Variants in FAT4 observed in about 807,000 individuals in gnomAD.
FAT4 encodes the protein FAT atypical cadherin 4, also known as protocadherin Fat 4.
FAT4 carries 84 observed loss-of-function variants against 303.9 expected under a neutral mutation model. That is an observed-to-expected ratio of 0.28 (90% confidence interval 0.23 to 0.33). The LOEUF (loss-of-function observed/expected upper bound fraction) is 0.33, where lower values mean the gene tolerates loss of function less well. FAT4 is among the 10% of genes least tolerant of loss of function. The pLI, the probability that FAT4 is intolerant of heterozygous loss-of-function variation, is 1.00. For missense variants in FAT4, 6,005 were observed against 6,146.8 expected (o/e 0.98, Z 0.77); for synonymous variants, 2,307 against 2,298.8 (o/e 1.00, Z -0.10).
chr4:125,457,217 T>C (rs1249314512), intron 10 of FAT4, among the ~76,000 whole-genome samples: 1 of 152,034 alleles, frequency 6.6e-6, no homozygotes, highest in African/African-American at 2.4e-5. Flanking sequence ...AAGTGGCTTA[T>C]GAGTTGATGC....
chr4:125,441,382 G>C (rs1445840963), intron 8 of FAT4, among the ~76,000 whole-genome samples: 1 of 152,104 alleles, frequency 6.6e-6, no homozygotes, highest in Non-Finnish European at 1.5e-5. Context: ...CTAAGGCAAA[G>C]AGCTATGCAA....
chr4:125,326,851 C>A (rs1182995204), intron 2 of FAT4, among the ~76,000 whole-genome samples: 2 of 152,024 alleles, frequency 1.3e-5, no homozygotes, highest in African/African-American at 2.4e-5. Context: ...ATGGTAAAAC[C>A]CCATCTCTAC....
chr4:125,372,021 GAAATGGATGACAGTAAAT>G (rs1560784025), intron 2 of FAT4, among the ~76,000 whole-genome samples: 1 of 151,914 alleles, frequency 6.6e-6, no homozygotes, highest in Admixed American at 6.6e-5. Context: ...AAAGAAGAAC[GAAATGGATGACAGTAAAT>G]AAGTCTTTTA....
intron 2 of FAT4, among the ~76,000 whole-genome samples, chr4:125,326,842 T>C (rs1451391208): frequency 6.6e-6 from 1 of 152,112 alleles, no homozygotes; most frequent in African/African-American, 2.4e-5. Context: ...CTGGGCAACA[T>C]GGTAAAACCC....
At chr4:125,442,475 A>T (rs1162237167) in intron 8 of FAT4, among the ~76,000 whole-genome samples, 1 of 152,144 alleles carries the variant, frequency 6.6e-6, no homozygotes, top group East Asian at 1.9e-4. Context: ...CCAAAATCTA[A>T]AATGCACCAA....
chr4:125,387,169 G>T (rs1408198384), intron 2 of FAT4, among the ~76,000 whole-genome samples: 1 of 152,146 alleles, frequency 6.6e-6, no homozygotes, highest in Non-Finnish European at 1.5e-5. Context: ...CTGTGCCCAG[G>T]GGTTGGAGAC....
At chr4:125,379,559 A>G (rs904695084) in intron 2 of FAT4, among the ~76,000 whole-genome samples, 2 of 151,926 alleles carry the variant, frequency 1.3e-5, no homozygotes, top group African/African-American at 2.4e-5. Context: ...TCCTGGCTTC[A>G]AGCAATTCTT....
Position 125,320,060 on chromosome 4 carries a change from G to T in FAT4, c.3649G>T (p.Ala1217Ser). ...APKFLKDFYQ[A>S]TISESAANLT... ...CAAATTTTTAAAAGACTTTTACCAAGCTACAATATCAGAATCAGCAGCCAA... is the reference window on the plus strand; with the variant it reads ...CAAATTTTTAAAAGACTTTTACCAATCTACAATATCAGAATCAGCAGCCAA... The change falls in exon 2 of 18, where the codon GCT (alanine) becomes TCT (serine). Residue 1217 changes from alanine to serine, a missense_variant. Coordinates refer to ENST00000394329, the MANE Select transcript of FAT4 (RefSeq NM_001291303.3). 1 of 1,613,794 alleles carries T rather than the reference G, an allele frequency of 6.2e-7. No individual in the cohort carries two copies. The highest frequency in any genetic ancestry group is 8.5e-7 in the Non-Finnish European group (1 of 1,179,950).
intron 3 of FAT4, among the ~76,000 whole-genome samples, chr4:125,400,978 TCAC>T (rs1220276181): frequency 6.6e-6 from 1 of 151,914 alleles, no homozygotes; most frequent in Admixed American, 6.6e-5. Flanking sequence ...GGCATAAAAA[TCAC>T]CACATTCTTA....
intron 2 of FAT4, among the ~76,000 whole-genome samples, chr4:125,359,312 C>G (rs1298126690): frequency 2.0e-5 from 3 of 152,096 alleles, no homozygotes; most frequent in Admixed American, 6.6e-5. Context: ...GGTTAAGTAT[C>G]TTGATTTTAA....
Position 125,449,989 on chromosome 4 carries a change from A to C in FAT4, c.8979A>C (p.Pro2993=), listed in dbSNP as rs957481905. The change falls in exon 10 of 18, where the codon CCA becomes CCC. Residue 2993 remains proline (P), a synonymous_variant. Transcript: ENST00000394329. ...TTCTTAAAAGTAAATATTTCACTCC[A>C]GTCACCAAAAATGTTAAGGTTGGTA... ...PQFLKSKYFT[P]VTKNVKVGTK... is the part of the protein sequence containing the mutation. 2 of 1,613,934 alleles carry C rather than the reference A, an allele frequency of 1.2e-6. No homozygotes were observed. Among genetic ancestry groups the C allele is most frequent in the Non-Finnish European group, 1.7e-6 (2 of 1,179,936 alleles).
intron 8 of FAT4, among the ~76,000 whole-genome samples, chr4:125,438,007 C>T (rs933748877): frequency 6.6e-6 from 1 of 152,146 alleles, no homozygotes; most frequent in African/African-American, 2.4e-5. Context: ...TAGCCCTCTA[C>T]CTGTCTATCA....
At chr4:125,437,985 A>T (rs1289599049) in intron 8 of FAT4, among the ~76,000 whole-genome samples, 1 of 152,192 alleles carries the variant, frequency 6.6e-6, no homozygotes. Flanking sequence ...TGTTCTAATC[A>T]TGCAAAGCAC....
rs914834773 is a variant in FAT4 at position 125,385,415 on chromosome 4, A to G, written c.5176-13369A>G. 7.9e-5 allele frequency among the ~76,000 whole-genome samples: 12 copies of G among 152,340 alleles called. No homozygotes were observed. In the East Asian group the frequency reaches 2.1e-3, roughly 27 times the overall value. ...TGTGCATATTTAAAAGCATGTTTCA[A>G]TGATAATATTAAGTAGTTAATTGCC... On this transcript the variant is annotated intron_variant, in intron 2 of 17. Transcript: ENST00000394329.
chr4:125,452,168 G>A lies in FAT4; in HGVS notation c.11158G>A (p.Gly3720Ser), dbSNP rs967108138. The A allele has an allele frequency of 2.5e-6, 4 of 1,614,026 alleles. No homozygotes were observed. Among genetic ancestry groups the A allele is most frequent in the African/African-American group, 1.3e-5 (1 of 74,906 alleles). Residue 3720 changes from glycine (G) to serine (S), a missense_variant, in exon 10 of 18, where the codon GGC (glycine) becomes AGC (serine). Gly to Ser is a moderately conservative substitution (Grantham distance 56, BLOSUM62 0). Transcript: ENST00000394329. ...TVDNSILLRL[G>S]VPTVKDFLTN... is the part of the protein sequence containing the mutation. ...GGATAACAGCATCTTACTTCGTCTC[G>A]GCGTACCAACAGTAAAGGACTTCTT...
rs1218572970 is a variant in FAT4, at chr4:125,451,749, C to T, written c.10739C>T (p.Ala3580Val). Residue 3580 changes from alanine to valine, a missense_variant, in exon 10 of 18, where the codon GCA becomes GTA. By Grantham distance (64) the Ala-to-Val change is moderately conservative. Coordinates refer to ENST00000394329, the MANE Select transcript of FAT4 (RefSeq NM_001291303.3). ...AGAGAGATTGACAGAGAGCAGATTG[C>T]AGACTTCTATCTGTCTGTGGTTACC... ...TTREIDREQIADFYLSVVTKD... is the reference protein window; with the variant it reads ...TTREIDREQIVDFYLSVVTKD... 6.2e-7 allele frequency: 1 copy of T among 1,614,076 alleles called. No homozygotes were observed. Among genetic ancestry groups the T allele is most frequent in the Non-Finnish European group, 8.5e-7 (1 of 1,180,032 alleles).
At chr4:125,440,580 C>T (rs868848001) in intron 8 of FAT4, among the ~76,000 whole-genome samples, 158 of 87,384 alleles carry the variant, frequency 1.8e-3, no homozygotes, top group African/African-American at 8.3e-3. Context: ...TTTCTCAGTA[C>T]TTGTGTGTGT....
intron 8 of FAT4, 141 bp downstream of exon 8, chr4:125,434,566 A>C (rs1262351516): frequency 1.6e-6 from 1 of 610,732 alleles, no homozygotes; most frequent in Non-Finnish European, 2.8e-6. Flanking sequence ...GATAGCCAAC[A>C]ATTCATTAAA....
chr4:125,409,933 G>C (rs1238446191), intron 5 of FAT4, among the ~76,000 whole-genome samples: 1 of 152,066 alleles, frequency 6.6e-6, no homozygotes, highest in East Asian at 1.9e-4. Flanking sequence ...TCTATTGACA[G>C]GCATATCTAT....
Sources: gnomAD v4.1 joint callset for allele counts (sites outside exome capture counted in the v4.1 genomes callset) on GRCh38, gnomAD v4.1.1 for gene constraint, MANE v1.5 for transcripts, NCBI Gene and HGNC (gene_info 2026-07-23, HGNC 2026-07-21) for gene names.